The following PDIA5 variants were observed in gnomAD, a reference collection of about 807,000 sequenced individuals.
PDIA5 encodes the protein protein disulfide-isomerase A5.
PDIA5 carries 58 observed loss-of-function variants against 77.6 expected under a neutral mutation model. The ratio of observed to expected loss-of-function variants is 0.75; its 90% CI spans 0.61 to 0.93. The LOEUF is 0.93. Among genes scored for constraint, PDIA5 ranks in the 40% least tolerant of loss-of-function variants. The pLI is 0.00. For synonymous variants in PDIA5, 250 were observed against 252.1 expected (o/e 0.99, Z 0.08); for missense variants, 630 against 647.7 (o/e 0.97, Z 0.30).
intron 1 of PDIA5, among the ~76,000 whole-genome samples, chr3:123,078,331 C>T (rs937243293): frequency 1.3e-5 from 2 of 152,072 alleles, no homozygotes; most frequent in African/African-American, 2.4e-5. Flanking sequence ...AGCGCTGGGC[C>T]GGGAGGAATC....
chr3:123,135,917 C>A (rs1935491723), intron 11 of PDIA5, among the ~76,000 whole-genome samples: 1 of 148,634 alleles, frequency 6.7e-6, no homozygotes, highest in African/African-American at 2.5e-5. Context: ...CACGAAGGGC[C>A]TTCATGCTGT....
At position 123,069,941 on chromosome 3, in the gene PDIA5, T is replaced by G. The variant is rs560236667; in HGVS notation, c.42+2735T>G. Among the ~76,000 whole-genome samples the G allele has an allele frequency of 4.6e-5, 7 of 151,918 alleles. No homozygotes were observed. The East Asian group carries it at 1.4e-3, about 29-fold the overall frequency. On this transcript the variant is annotated intron_variant, in intron 1 of 16. Coordinates refer to ENST00000316218, the MANE Select transcript of PDIA5 (RefSeq NM_006810.4). Reference sequence around the variant, plus strand: ...CCCGTCTCTACTAAAAATACAAAAATTAGCCAAGCATGGTAGCGGGCGCCT... The same window carrying G: ...CCCGTCTCTACTAAAAATACAAAAAGTAGCCAAGCATGGTAGCGGGCGCCT...
chr3:123,073,947 C>G (rs894995869), intron 1 of PDIA5, among the ~76,000 whole-genome samples: 1 of 152,210 alleles, frequency 6.6e-6, no homozygotes, highest in Non-Finnish European at 1.5e-5. Flanking sequence ...TATCTGAGCC[C>G]AGATGTGGGC....
In PDIA5 at chr3:123,090,435, T is replaced by C. The variant is rs115111146; in HGVS notation, c.169+1141T>C. ...CATTCCTTCCCTAGGGTAGATCCCA[T>C]CATATAAGCTCATCATAATACAGTC... On this transcript the variant is annotated intron_variant, in intron 2 of 16. Transcript: ENST00000316218. Among the ~76,000 whole-genome samples the C allele has an allele frequency of 9.0e-3, 1,369 of 152,234 alleles. 13 individuals carry two copies. Among genetic ancestry groups the C allele is most frequent in the Non-Finnish European group, 0.014 (929 of 68,008 alleles).
intron 8 of PDIA5, among the ~76,000 whole-genome samples, chr3:123,120,817 C>T (rs1281484850): frequency 2.0e-5 from 3 of 152,146 alleles, no homozygotes; most frequent in Non-Finnish European, 4.4e-5. Context: ...CTCCACCTCT[C>T]TTTACTGAGG....
chr3:123,085,864 A>AT (rs958105403), intron 1 of PDIA5, among the ~76,000 whole-genome samples: 2 of 152,016 alleles, frequency 1.3e-5, no homozygotes, highest in African/African-American at 2.4e-5. Context: ...CCAACAGATT[A>AT]TTTTTTTTCC....
At chr3:123,092,212 G>A in intron 2 of PDIA5, 143 bp from the exon 3 acceptor site, 1 of 654,030 alleles carries the variant, frequency 1.5e-6, no homozygotes, top group Non-Finnish European at 2.7e-6. Context: ...TTGAATGCAG[G>A]GATGGGTGTT....
chr3:123,123,941 C>A (rs1259060517), intron 8 of PDIA5, 125 bp from the exon 9 acceptor site: 1 of 678,820 alleles, frequency 1.5e-6, no homozygotes, highest in South Asian at 1.7e-5. Context: ...CCCTGATGCA[C>A]ATCAGTCTGT....
intron 6 of PDIA5, 29 bp downstream of exon 6, chr3:123,106,870 A>T (rs768795163): frequency 6.7e-7 from 1 of 1,482,532 alleles, no homozygotes; most frequent in Non-Finnish European, 9.4e-7. Flanking sequence ...GTTCTGATGG[A>T]TGCTGGAAGC....
chr3:123,077,551 C>T (rs1026760092), intron 1 of PDIA5, among the ~76,000 whole-genome samples: 1 of 72,404 alleles, frequency 1.4e-5, no homozygotes, highest in Non-Finnish European at 3.2e-5. Flanking sequence ...CACACACATA[C>T]ACACACACAC....
At chr3:123,078,099 T>C (rs1205768031) in intron 1 of PDIA5, among the ~76,000 whole-genome samples, 3 of 152,210 alleles carry the variant, frequency 2.0e-5, no homozygotes, top group Admixed American at 6.5e-5. Context: ...TGAGCCACCG[T>C]GCCCGGCCTA....
At chr3:123,127,943 T>C (rs1560537701) in intron 10 of PDIA5, among the ~76,000 whole-genome samples, 1 of 152,152 alleles carries the variant, frequency 6.6e-6, no homozygotes, top group Admixed American at 6.5e-5. Context: ...GAGAGCCCAG[T>C]CTTCAAGGAG....
At chr3:123,124,555 T>C (rs149472743) in intron 10 of PDIA5, among the ~76,000 whole-genome samples, 4 of 152,332 alleles carry the variant, frequency 2.6e-5, no homozygotes, top group African/African-American at 9.6e-5. Context: ...TTGGTGTGAC[T>C]TTGGCCTGTG....
intron 15 of PDIA5, among the ~76,000 whole-genome samples, chr3:123,160,688 T>C (rs1045659357): frequency 6.6e-6 from 1 of 152,234 alleles, no homozygotes; most frequent in African/African-American, 2.4e-5. Flanking sequence ...TAATAGCAGC[T>C]GACATTTCCT....
chr3:123,102,703 C>G (rs1449229713), intron 4 of PDIA5, 48 bp from the exon 5 acceptor site: 5 of 1,457,206 alleles, frequency 3.4e-6, no homozygotes, highest in Admixed American at 3.3e-5. Flanking sequence ...AGGTATGTAT[C>G]TTCACAACCA....
At chr3:123,148,793 A>C (rs946205479) in intron 13 of PDIA5, among the ~76,000 whole-genome samples, 1 of 152,214 alleles carries the variant, frequency 6.6e-6, no homozygotes, top group Non-Finnish European at 1.5e-5. Flanking sequence ...CCAGGGACAA[A>C]TAGTAGTTCT....
chr3:123,094,920 A>G (rs931647734), intron 3 of PDIA5, among the ~76,000 whole-genome samples: 2 of 152,190 alleles, frequency 1.3e-5, no homozygotes, highest in Non-Finnish European at 2.9e-5. Context: ...AGGAGTGCAC[A>G]GGCCACCCTG....
rs374497849 is a variant in PDIA5, at chr3:123,080,682, A to C, written c.43-8486A>C. On this transcript the variant is annotated intron_variant, in intron 1 of 16. Transcript: ENST00000316218. ...ATGATTTGGTGCTTGAGGCACTTTG[A>C]AATATCCCAGTTGGAACAGATGTTT... Among the ~76,000 whole-genome samples the C allele has an allele frequency of 3.9e-5, 6 of 152,320 alleles. No individual in the cohort carries two copies. In the East Asian group the frequency reaches 7.7e-4, roughly 20 times the overall value.
chr3:123,114,639 G>A (rs149416321), intron 7 of PDIA5, among the ~76,000 whole-genome samples: 5 of 152,302 alleles, frequency 3.3e-5, no homozygotes, highest in African/African-American at 4.8e-5. Flanking sequence ...CCCCCTGAGC[G>A]TTGTTCCTGC....
Sources: allele counts gnomAD v4.1 joint callset (sites outside exome capture counted in the v4.1 genomes callset), GRCh38; gene constraint gnomAD v4.1.1; transcripts MANE v1.5; gene names NCBI Gene and HGNC (gene_info 2026-07-23, HGNC 2026-07-21).